The following GBA2 variants were observed in gnomAD, a reference collection of about 807,000 sequenced individuals.
GBA2 encodes glucosylceramidase beta 2.
In GBA2, 79 loss-of-function variants were observed where a neutral mutation model predicts 112.9. That is an observed-to-expected ratio of 0.70 (90% CI 0.58 to 0.84). The LOEUF (loss-of-function observed/expected upper bound fraction) is 0.84. GBA2 is among the 40% of genes least tolerant of loss of function. The pLI is 0.00. For synonymous variants in GBA2, 403 were observed against 434.3 expected (o/e 0.93, Z 0.90); for missense variants, 1,043 against 1,190.0 (o/e 0.88, Z 1.82).
At position 35,737,111 on chromosome 9, in the gene GBA2, A is replaced by C. The variant is rs1470701508; in HGVS notation, c.*58T>G. 1 of 1,559,394 alleles carries C rather than the reference A, an allele frequency of 6.4e-7. No homozygotes were observed. Among genetic ancestry groups the C allele is most frequent in the African/African-American group, 1.4e-5 (1 of 73,860 alleles). On this transcript the variant is annotated 3_prime_UTR_variant, in exon 17 of 17. Transcript: ENST00000378103. This position sits in a 1 kb window ranked among gnomAD's most constrained non-coding sequence, Gnocchi z 4.1. ...GTTGCAGGAGGTTCAGAGGGGAAGG[A>C]GGAAAGGCCAGGCTGGAGGCTGGGC...
chr9:35,738,347 T>TGCCAGCCA lies in GBA2; in HGVS notation c.2074_2081dup (p.Ala695GlyfsTer7), dbSNP rs1181316063. The TGCCAGCCA allele has an allele frequency of 6.2e-7, 1 of 1,614,046 alleles. No individual in the cohort carries two copies. The highest frequency in any genetic ancestry group is 1.3e-5 in the African/African-American group (1 of 74,940). On this transcript the variant is annotated frameshift_variant, in exon 14 of 17. Transcript: ENST00000378103. LOFTEE classifies it high-confidence loss of function. Reference sequence around the variant, plus strand: ...CCATCTGGACCATCACAGCCACAGCTGCCAGCCACAGCCCTCCACAGTAAG... The same window carrying TGCCAGCCA: ...CCATCTGGACCATCACAGCCACAGCTGCCAGCCAGCCAGCCACAGCCCTCCACAGTAAG...
In GBA2 at chr9:35,749,001, C is replaced by A; in HGVS notation, c.-297G>T. 3.7e-6 allele frequency: 1 copy of A among 267,580 alleles called. No homozygotes were observed. Among genetic ancestry groups the A allele is most frequent in the Non-Finnish European group, 6.9e-6 (1 of 144,780 alleles). 16.6% of individuals were successfully genotyped at this position (267,580 alleles called of 1,614,324 possible). A position where few individuals can be genotyped will look rare whatever the true frequency, so the allele number is the denominator to read the frequency against. ...CGCCCGGCCAAAGGGCGACTGGGCC[C>A]GCAGAGAGGGGAGGAGCCGCGGGGC... On this transcript the variant is annotated 5_prime_UTR_variant, in exon 1 of 17. Coordinates refer to ENST00000378103, the MANE Select transcript of GBA2 (RefSeq NM_020944.3). This position sits in a 1 kb window ranked among gnomAD's most constrained non-coding sequence, Gnocchi z 4.4.
chr9:35,742,087 T>C, intron 3 of GBA2, 197 bp from the exon 4 acceptor site: 1 of 616,204 alleles, frequency 1.6e-6, no homozygotes, highest in Admixed American at 2.5e-5. Flanking sequence ...AAGCTTTCTC[T>C]CCCTTCTCCA....
Position 35,739,096 on chromosome 9 carries a change from G to A in GBA2, c.1701C>T (p.Leu567=). 6.3e-7 allele frequency: 1 copy of A among 1,584,348 alleles called. No individual in the cohort carries two copies. Among genetic ancestry groups the A allele is most frequent in the African/African-American group, 1.5e-5 (1 of 64,968 alleles). Residue 567 remains leucine, a synonymous_variant, in exon 11 of 17, where the codon CTC becomes CTT. Coordinates refer to ENST00000378103, the MANE Select transcript of GBA2 (RefSeq NM_020944.3). ...ACCGTCGCCGTGTCAGGTCCTCCCTGAGAGTGGCCAGAGCTGGGGGAGAGA... is the reference window on the plus strand; with the variant it reads ...ACCGTCGCCGTGTCAGGTCCTCCCTAAGAGTGGCCAGAGCTGGGGGAGAGA... ...SLQYDMALAT[L]REDLTRRRYL...
Position 35,740,606 on chromosome 9 carries a change from A to T in GBA2, c.1049T>A (p.Ile350Asn). ...CGTGCTGTCAGGGTCAAAGGCTGTGATGTGGGTTACCGTGGTAGCTGCCTG... is the reference window on the plus strand; with the variant it reads ...CGTGCTGTCAGGGTCAAAGGCTGTGTTGTGGGTTACCGTGGTAGCTGCCTG... ...RVTAATTVTH[I>N]TAFDPDSTGQ... The change falls in exon 6 of 17, where the codon ATC becomes AAC. Residue 350 changes from isoleucine to asparagine, a missense_variant. Coordinates refer to ENST00000378103, the MANE Select transcript of GBA2 (RefSeq NM_020944.3). This position sits in a 1 kb window ranked among gnomAD's most constrained non-coding sequence, Gnocchi z 4.7. 6.2e-7 allele frequency: 1 copy of T among 1,613,902 alleles called. No individual in the cohort carries two copies. Among genetic ancestry groups the T allele is most frequent in the African/African-American group, 1.3e-5 (1 of 75,008 alleles).
At position 35,740,030 on chromosome 9, in the gene GBA2, G is replaced by A; in HGVS notation, c.1377C>T (p.Ile459=). The change falls in exon 8 of 17, where the codon ATC becomes ATT. Residue 459 remains isoleucine (I), a synonymous_variant. Coordinates refer to ENST00000378103, the MANE Select transcript of GBA2 (RefSeq NM_020944.3). The surrounding 1 kb of genome is among the most constrained non-coding windows in gnomAD (Gnocchi z 4.7). ...LCRYAEWEER[I]SAWQSPVLDD... is the part of the protein sequence containing the mutation. ...CCAATACCGGGCTCTGCCAAGCTGA[G>A]ATCCTCTCTTCCCACTCTGCGTATC... 1 of 1,614,110 alleles carries A rather than the reference G, an allele frequency of 6.2e-7. No individual in the cohort carries two copies. The highest frequency in any genetic ancestry group is 8.5e-7 in the Non-Finnish European group (1 of 1,179,986).
rs1387774972 is a variant in GBA2 at position 35,749,065 on chromosome 9, C to T, written c.-361G>A. 4.9e-6 allele frequency: 1 copy of T among 205,822 alleles called. No individual in the cohort carries two copies. The highest frequency in any genetic ancestry group is 2.4e-5 in the African/African-American group (1 of 42,222). 12.7% of individuals were successfully genotyped at this position (205,822 alleles called of 1,614,324 possible). On this transcript the variant is annotated 5_prime_UTR_variant, in exon 1 of 17. Transcript: ENST00000378103. The surrounding 1 kb of genome is among the most constrained non-coding windows in gnomAD (Gnocchi z 4.4). ...ACCGCCCCGGGACGGGCCCGCAAGG[C>T]ACCGCCCCCGGGACCTCGGCCCGGC...
In GBA2 at chr9:35,748,771, G is replaced by A. The variant is rs1827139757; in HGVS notation, c.-67C>T. On this transcript the variant is annotated 5_prime_UTR_variant, in exon 1 of 17. Transcript: ENST00000378103. ...ATCTCGCCAGCCTATTCCAGATGCGGGCGCCGGTCGTTGTTAGGTATCGTC... is the reference window on the plus strand; with the variant it reads ...ATCTCGCCAGCCTATTCCAGATGCGAGCGCCGGTCGTTGTTAGGTATCGTC... The A allele has an allele frequency of 7.8e-6, 8 of 1,019,138 alleles. No homozygotes were observed. Among genetic ancestry groups the A allele is most frequent in the Non-Finnish European group, 1.1e-5 (8 of 697,916 alleles). The allele number at this position is 1,019,138 out of a possible 1,614,324, so 63.1% of individuals were successfully genotyped here. A position where few individuals can be genotyped will look rare whatever the true frequency, so the allele number is the denominator to read the frequency against.
intron 9 of GBA2, 98 bp downstream of exon 9, chr9:35,739,530 C>G: frequency 1.5e-6 from 2 of 1,318,504 alleles, no homozygotes; most frequent in Non-Finnish European, 2.2e-6. Flanking sequence ...AGTCCACACC[C>G]AACACCCCCT....
chr9:35,739,747 G>A lies in GBA2; in HGVS notation c.1463C>T (p.Ala488Val), dbSNP rs1826523818. 6.2e-7 allele frequency: 1 copy of A among 1,613,848 alleles called. No individual in the cohort carries two copies. Among genetic ancestry groups the A allele is most frequent in the African/African-American group, 1.3e-5 (1 of 74,914 alleles). ...TTCCAGCCACACTGTGCCTCCATCA[G>A]CCAGGAAGTATAGTTCATTGAACAG... ...SALFNELYFL[A>V]DGGTVWLEVL... Residue 488 changes from alanine to valine, a missense_variant, in exon 9 of 17, where the codon GCT (alanine) becomes GTT (valine). Ala to Val is a moderately conservative substitution (Grantham distance 64). Transcript: ENST00000378103.
chr9:35,737,622 GA>G lies in GBA2; in HGVS notation c.2505+125del. 6.3e-7 allele frequency: 1 copy of G among 1,583,138 alleles called. No individual in the cohort carries two copies. Among genetic ancestry groups the G allele is most frequent in the Non-Finnish European group, 8.6e-7 (1 of 1,163,522 alleles). ...GGCAGGAGCTGGAATGCATACCAGG[GA>G]AAAATGGGAGGCTTTATAGACGGAC... On this transcript the variant is annotated intron_variant, in intron 16 of 16. Coordinates refer to ENST00000378103, the MANE Select transcript of GBA2 (RefSeq NM_020944.3). This position sits in a 1 kb window ranked among gnomAD's most constrained non-coding sequence, Gnocchi z 4.1.
chr9:35,742,149 G>A, intron 3 of GBA2: 1 of 537,388 alleles, frequency 1.9e-6, no homozygotes, highest in Non-Finnish European at 3.4e-6. Flanking sequence ...TTTTTCTGTG[G>A]CCCTTTTCAT....
chr9:35,747,651 C>T (rs960476979), intron 1 of GBA2, among the ~76,000 whole-genome samples: 11 of 152,210 alleles, frequency 7.2e-5, no homozygotes, highest in Admixed American at 1.3e-4. Context: ...GTCCTCACAT[C>T]CACCTGTTCC....
intron 9 of GBA2, 73 bp downstream of exon 9, chr9:35,739,555 C>T (rs1826504980): frequency 4.1e-6 from 6 of 1,451,526 alleles, no homozygotes; most frequent in Non-Finnish European, 5.8e-6. Context: ...CTAACCAATA[C>T]CCTGGGGTAG....
chr9:35,737,972 A>G lies in GBA2; in HGVS notation c.2314-33T>C. 6.2e-7 allele frequency: 1 copy of G among 1,602,858 alleles called. No homozygotes were observed. Among genetic ancestry groups the G allele is most frequent in the Non-Finnish European group, 8.5e-7 (1 of 1,173,480 alleles). On this transcript the variant is annotated intron_variant, in intron 15 of 16. Transcript: ENST00000378103. The surrounding 1 kb of genome is among the most constrained non-coding windows in gnomAD (Gnocchi z 4.1). Reference sequence around the variant, plus strand: ...GGCAAGGGCAGGAACATGGTCTCATATACTTACTTCCCACCTCCAGGGAAA... The same window carrying G: ...GGCAAGGGCAGGAACATGGTCTCATGTACTTACTTCCCACCTCCAGGGAAA...
rs1437412044 is a variant in GBA2 at position 35,748,716 on chromosome 9, C to G, written c.-12G>C. 1 of 1,480,942 alleles carries G rather than the reference C, an allele frequency of 6.8e-7. No homozygotes were observed. Among genetic ancestry groups the G allele is most frequent in the Admixed American group, 2.0e-5 (1 of 49,080 alleles). 91.7% of individuals were successfully genotyped at this position (1,480,942 alleles called of 1,614,324 possible). A position where few individuals can be genotyped will look rare whatever the true frequency, so the allele number is the denominator to read the frequency against. On this transcript the variant is annotated 5_prime_UTR_variant, in exon 1 of 17. Coordinates refer to ENST00000378103, the MANE Select transcript of GBA2 (RefSeq NM_020944.3). The stretch of plus-strand genomic sequence containing the variant: ...TCCTGGGTCCCCATGACCTCGATGG[C>G]GCCAAGTCCCGAGCCCTCGGATACT...
rs1826519771 is a variant in GBA2, at chr9:35,739,702, G to T, written c.1508C>A (p.Pro503Gln). 6.2e-7 allele frequency: 1 copy of T among 1,613,886 alleles called. No homozygotes were observed. The highest frequency in any genetic ancestry group is 1.7e-5 in the Admixed American group (1 of 60,002). ...ACACATGTTTCTGCCCAGCTCCTCT[G>T]GTAGGGAGTCCTCAAGAACTTCCAG... The part of the protein sequence containing the change: ...VWLEVLEDSL[P>Q]EELGRNMCHL... The change falls in exon 9 of 17, where the codon CCA (proline) becomes CAA (glutamine). Residue 503 changes from proline (P) to glutamine (Q), a missense_variant. Physicochemically the swap from Pro to Gln is moderately conservative, Grantham distance 76. Coordinates refer to ENST00000378103, the MANE Select transcript of GBA2 (RefSeq NM_020944.3).
rs769153909 is a variant in GBA2 at position 35,740,016 on chromosome 9, C to A, written c.1391G>T (p.Ser464Ile). 17 of 1,614,016 alleles carry A rather than the reference C, an allele frequency of 1.1e-5. No homozygotes were observed. The highest frequency in any genetic ancestry group is 1.4e-5 in the Non-Finnish European group (16 of 1,180,002). Residue 464 changes from serine to isoleucine, a missense_variant, in exon 8 of 17, where the codon AGC becomes ATC. Ser to Ile is a moderately radical substitution (Grantham distance 142). Transcript: ENST00000378103. The surrounding 1 kb of genome is among the most constrained non-coding windows in gnomAD (Gnocchi z 4.7). ...EWEERISAWQ[S>I]PVLDDRSLPA... is the part of the protein sequence containing the mutation. ...CTGGCACCTGTCATCCAATACCGGG[C>A]TCTGCCAAGCTGAGATCCTCTCTTC...
At position 35,748,555 on chromosome 9, in the gene GBA2, G is replaced by GTCTTCGGGA. The variant is rs780933165; in HGVS notation, c.141_149dup (p.Pro48_Asp50dup). On this transcript the variant is annotated inframe_insertion, in exon 1 of 17. Transcript: ENST00000378103. ...AGTCCGTCTCTTTTGGGGGTCGGCT[G>GTCTTCGGGA]TCTTCGGGACTCTTACAGTCTGTAA... The GTCTTCGGGA allele has an allele frequency of 6.2e-7, 1 of 1,614,192 alleles. No individual in the cohort carries two copies. Among genetic ancestry groups the GTCTTCGGGA allele is most frequent in the South Asian group, 1.1e-5 (1 of 91,088 alleles).
Sources: gnomAD v4.1 joint callset for allele counts (sites outside exome capture counted in the v4.1 genomes callset) on GRCh38, gnomAD v4.1.1 for gene constraint, Gnocchi (gnomAD v3.1) non-coding constraint, MANE v1.5 for transcripts, NCBI Gene and HGNC (gene_info 2026-07-23, HGNC 2026-07-21) for gene names.